The following CTNNAL1 variants were observed in gnomAD, a reference collection of about 807,000 sequenced individuals.
CTNNAL1 encodes the protein catenin alpha like 1.
A neutral mutation model predicts 93.6 loss-of-function variants in CTNNAL1; 69 were observed. That is an observed-to-expected ratio of 0.74 (90% CI 0.61 to 0.90). The LOEUF (loss-of-function observed/expected upper bound fraction) is 0.90. CTNNAL1 is among the 40% of genes least tolerant of loss of function. The pLI is 0.00. For missense variants in CTNNAL1, 836 were observed against 862.0 expected, an observed-to-expected ratio of 0.97 and a Z score of 0.38; for synonymous variants, 286 against 305.4, an observed-to-expected ratio of 0.94 and a Z score of 0.66.
At chr9:108,972,864 G>GCCCCCCCC in intron 8 of CTNNAL1, 31 bp from the exon 9 acceptor site, 51 of 142,326 alleles carry the variant, frequency 3.6e-4, no homozygotes, top group Middle Eastern at 1.9e-3. Flanking sequence ...GGGGGGGTGG[G>GCCCCCCCC]AGGGTGGAGA....
intron 17 of CTNNAL1, among the ~76,000 whole-genome samples, chr9:108,943,413 G>A (rs560997153): frequency 1.5e-4 from 23 of 152,340 alleles, no homozygotes; most frequent in African/African-American, 4.6e-4. Flanking sequence ...AATTATGGGA[G>A]ACCAGACTCG....
At chr9:108,974,838 T>G (rs1032141808) in intron 8 of CTNNAL1, among the ~76,000 whole-genome samples, 1 of 152,162 alleles carries the variant, frequency 6.6e-6, no homozygotes, top group Admixed American at 6.5e-5. Flanking sequence ...AAAATTTTTT[T>G]AAAATTCTAA....
intron 2 of CTNNAL1, among the ~76,000 whole-genome samples, chr9:108,994,171 C>T (rs1411844052): frequency 2.0e-5 from 3 of 151,796 alleles, no homozygotes; most frequent in Admixed American, 1.3e-4. Context: ...GCGGAGGTTG[C>T]AGTCAGCTGA....
chr9:108,960,989 G>A (rs1420851117), intron 11 of CTNNAL1, among the ~76,000 whole-genome samples: 2 of 152,204 alleles, frequency 1.3e-5, no homozygotes, highest in Non-Finnish European at 2.9e-5. Flanking sequence ...CTAGGTCTCA[G>A]ACTAACTTTT....
intron 8 of CTNNAL1, 31 bp from the exon 9 acceptor site, chr9:108,972,864 G>GGCCCCCCCCCCC: frequency 1.6e-4 from 23 of 142,456 alleles, no homozygotes; most frequent in East Asian, 2.2e-4. Flanking sequence ...GGGGGGGTGG[G>GGCCCCCCCCCCC]AGGGTGGAGA....
In CTNNAL1 at chr9:109,004,496, A is replaced by G. The variant is rs1216379978; in HGVS notation, c.142-5240T>C. 2.0e-5 allele frequency among the ~76,000 whole-genome samples: 3 copies of G among 152,296 alleles called. No individual in the cohort carries two copies. The East Asian group carries it at 5.8e-4, about 29-fold the overall frequency. On this transcript the variant is annotated intron_variant, in intron 1 of 18. Coordinates refer to ENST00000325551, the MANE Select transcript of CTNNAL1 (RefSeq NM_003798.4). ...GCCTTCTCTGACTTATAATGTTAGT[A>G]AGAAGAGTTGGCTGGGCGCAGTGGC...
At position 108,979,448 on chromosome 9, in the gene CTNNAL1, A is replaced by G; in HGVS notation, c.934T>C (p.Phe312Leu). Reference sequence around the variant, plus strand: ...ACAGAAAGGTTCTCTTTGGACTGAAAATAAAGATTCTCCCGAAGAGCTTCA... The same window carrying G: ...ACAGAAAGGTTCTCTTTGGACTGAAGATAAAGATTCTCCCGAAGAGCTTCA... ...NIEALRENLY[F>L]QSKENLSVTL... The change falls in exon 7 of 19, where the codon TTT becomes CTT. Residue 312 changes from phenylalanine (F) to leucine (L), a missense_variant. By Grantham distance (22) the Phe-to-Leu change is conservative. Transcript: ENST00000325551. 1 of 1,614,106 alleles carries G rather than the reference A, an allele frequency of 6.2e-7. No individual in the cohort carries two copies. Among genetic ancestry groups the G allele is most frequent in the Middle Eastern group, 1.6e-4 (1 of 6,062 alleles).
intron 5 of CTNNAL1, 53 bp downstream of exon 5, chr9:108,984,294 G>A (rs1831531929): frequency 4.6e-6 from 4 of 874,662 alleles, no homozygotes; most frequent in Non-Finnish European, 5.7e-6. Context: ...AATGCATTTA[G>A]TCGGGTGTTC....
chr9:108,969,055 A>C (rs1378695271), intron 10 of CTNNAL1, among the ~76,000 whole-genome samples: 1 of 152,110 alleles, frequency 6.6e-6, no homozygotes, highest in Non-Finnish European at 1.5e-5. Flanking sequence ...GGGGATCATG[A>C]GGTCAGGGGT....
intron 17 of CTNNAL1, among the ~76,000 whole-genome samples, chr9:108,943,498 T>G (rs992149745): frequency 2.0e-5 from 3 of 152,132 alleles, no homozygotes. Context: ...ATGGAATTAA[T>G]GATGTCCAAA....
chr9:108,962,340 A>T (rs1215974111), intron 11 of CTNNAL1, among the ~76,000 whole-genome samples: 4 of 152,126 alleles, frequency 2.6e-5, no homozygotes, highest in African/African-American at 9.7e-5. Context: ...ACCCACAAAG[A>T]CCCTAGTAGC....
At chr9:108,950,403 A>G in intron 14 of CTNNAL1, 1 of 1,227,054 alleles carries the variant, frequency 8.1e-7, no homozygotes, top group Middle Eastern at 2.8e-4. Context: ...GAAACCACCA[A>G]AGGAATGGTC....
At chr9:108,978,444 T>C (rs1297576610) in intron 7 of CTNNAL1, among the ~76,000 whole-genome samples, 2 of 152,254 alleles carry the variant, frequency 1.3e-5, no homozygotes, top group Non-Finnish European at 2.9e-5. Flanking sequence ...TCATCTTTAC[T>C]GCCAAAGCTT....
intron 11 of CTNNAL1, chr9:108,963,353 T>G (rs1830869850): frequency 6.6e-6 from 1 of 152,134 alleles, no homozygotes; most frequent in South Asian, 2.1e-4. Context: ...TCAAGAAAAC[T>G]AGAACCATAT....
Position 108,965,231 on chromosome 9 carries a change from T to A in CTNNAL1, c.1591+147A>T, listed in dbSNP as rs934796055. ...AAAGGAGGATAAAATAATATTTTTG[T>A]AATTTTTTTGTGAACAATATTTTAC... On this transcript the variant is annotated intron_variant, in intron 11 of 18. Coordinates refer to ENST00000325551, the MANE Select transcript of CTNNAL1 (RefSeq NM_003798.4). 4.9e-5 allele frequency: 29 copies of A among 589,154 alleles called. No individual in the cohort carries two copies. The African/African-American group carries it at 5.2e-4, about 11-fold the overall frequency. The allele number at this position is 589,154 out of a possible 1,614,324, so 36.5% of individuals were successfully genotyped here. A position where few individuals can be genotyped will look rare whatever the true frequency, so the allele number is the denominator to read the frequency against.
At chr9:108,990,547 A>G (rs1478384144) in intron 4 of CTNNAL1, among the ~76,000 whole-genome samples, 179 bp downstream of exon 4, 1 of 152,142 alleles carries the variant, frequency 6.6e-6, no homozygotes, top group Non-Finnish European at 1.5e-5. Flanking sequence ...ATAAATGTAC[A>G]AAAAAAGACA....
At chr9:108,948,860 TAAGTCAGA>T (rs1207521485) in intron 14 of CTNNAL1, among the ~76,000 whole-genome samples, 1 of 152,136 alleles carries the variant, frequency 6.6e-6, no homozygotes, top group African/African-American at 2.4e-5. Flanking sequence ...GGACTAGGGA[TAAGTCAGA>T]AAATCTGGAA....
At position 108,977,042 on chromosome 9, in the gene CTNNAL1, T is replaced by C. The variant is rs1315427140; in HGVS notation, c.1108A>G (p.Lys370Glu). 1 of 1,513,460 alleles carries C rather than the reference T, an allele frequency of 6.6e-7. No homozygotes were observed. The highest frequency in any genetic ancestry group is 8.9e-7 in the Non-Finnish European group (1 of 1,127,976). The allele number at this position is 1,513,460 out of a possible 1,614,324, so 93.8% of individuals were successfully genotyped here. Residue 370 changes from lysine (K) to glutamate (E), a missense_variant, in exon 8 of 19, where the codon AAG (lysine) becomes GAG (glutamate). Transcript: ENST00000325551. The part of the protein sequence containing the change: ...LISVWIQAQS[K>E]KTKSIAEELE... ...TCTTCAGCGATGCTTTTTGTTTTCT[T>C]GCTTTGCTAAAAATTTTAAAAAGTA...
chr9:108,969,690 T>A (rs547058669), intron 10 of CTNNAL1, among the ~76,000 whole-genome samples: 10 of 152,324 alleles, frequency 6.6e-5, no homozygotes, highest in African/African-American at 2.2e-4. Flanking sequence ...TCTTGCTCTG[T>A]CACCCAGCCT....
Sources: allele counts gnomAD v4.1 joint callset (sites outside exome capture counted in the v4.1 genomes callset), GRCh38; gene constraint gnomAD v4.1.1; transcripts MANE v1.5; gene names NCBI Gene and HGNC (gene_info 2026-07-23, HGNC 2026-07-21).